IFNGR2: variants seen among roughly 807,000 people sequenced by gnomAD.
The protein encoded by IFNGR2 is IFN-gamma receptor 2.
In IFNGR2, 15 loss-of-function variants were observed where a neutral mutation model predicts 41.1. That is an observed-to-expected ratio of 0.37 (90% confidence interval 0.24 to 0.56). The LOEUF (loss-of-function observed/expected upper bound fraction) is 0.56, where lower values mean the gene tolerates loss of function less well. Among genes scored for constraint, IFNGR2 ranks in the 20% least tolerant of loss-of-function variants. IFNGR2 has a pLI of 0.81. For synonymous variants in IFNGR2, 161 were observed against 171.6 expected, an observed-to-expected ratio of 0.94 and a Z score of 0.48; for missense variants, 362 against 415.7, an observed-to-expected ratio of 0.87 and a Z score of 1.12.
intron 1 of IFNGR2, among the ~76,000 whole-genome samples, chr21:33,406,648 CTT>C (rs35138843): frequency 1.2e-4 from 16 of 131,826 alleles, no homozygotes; most frequent in South Asian, 4.9e-4. Flanking sequence ...GTGTTGGAAA[CTT>C]TTTTTTTTTT....
chr21:33,431,567 T>A (rs1267956542), intron 4 of IFNGR2, among the ~76,000 whole-genome samples: 1 of 151,306 alleles, frequency 6.6e-6, no homozygotes, highest in African/African-American at 2.4e-5. Flanking sequence ...AAACTCCATC[T>A]CAAAAAAAAA....
upstream of IFNGR2, chr21:33,403,128 A>C (rs8134145): frequency 0.25 from 35,786 of 143,450 alleles, 5,891 homozygotes; most frequent in African/African-American, 0.46. Context: ...CTCCAGGGAA[A>C]GCCCGGGGGT....
chr21:33,428,212 T>A (rs76056001), intron 4 of IFNGR2, among the ~76,000 whole-genome samples: 9 of 91,094 alleles, frequency 9.9e-5, no homozygotes, highest in Non-Finnish European at 2.7e-4. Flanking sequence ...CTCCTTCATT[T>A]TTTTTTTTTT....
chr21:33,411,363 C>T, intron 1 of IFNGR2: 1 of 453,726 alleles, frequency 2.2e-6, no homozygotes, highest in Non-Finnish European at 4.6e-6. Context: ...CCTTTCTGAA[C>T]TGAATGCTTA....
chr21:33,429,421 A>G (rs967590717), intron 4 of IFNGR2, among the ~76,000 whole-genome samples: 3 of 152,118 alleles, frequency 2.0e-5, no homozygotes, highest in Admixed American at 6.6e-5. Flanking sequence ...TCACGGGTTC[A>G]AGAGATTTTC....
intron 5 of IFNGR2, 125 bp from the exon 6 acceptor site, chr21:33,432,589 G>T: frequency 9.4e-7 from 1 of 1,066,218 alleles, no homozygotes; most frequent in Non-Finnish European, 1.5e-6. Flanking sequence ...GAGGGTGGGG[G>T]GTAGAGGGAC....
Position 33,421,676 on chromosome 21 carries a change from T to C in IFNGR2, c.403T>C (p.Tyr135His). The C allele has an allele frequency of 6.2e-7, 1 of 1,612,878 alleles. No homozygotes were observed. ...AWVTMPWFQH[Y>H]RNVTVGPPEN... Reference sequence around the variant, plus strand: ...GGTGACAATGCCTTGGTTTCAACACTATCGGAATGGTAAGAGAACTTGAGT... The same window carrying C: ...GGTGACAATGCCTTGGTTTCAACACCATCGGAATGGTAAGAGAACTTGAGT... Residue 135 changes from tyrosine to histidine, a missense_variant, in exon 3 of 7, where the codon TAT (tyrosine) becomes CAT (histidine). Coordinates refer to ENST00000290219, the MANE Select transcript of IFNGR2 (RefSeq NM_005534.4).
At chr21:33,430,307 A>T (rs2123364415) in intron 4 of IFNGR2, among the ~76,000 whole-genome samples, 1 of 152,350 alleles carries the variant, frequency 6.6e-6, no homozygotes, top group East Asian at 1.9e-4. Context: ...AATAAACCCA[A>T]AGGGAATTTT....
At chr21:33,426,396 T>C (rs2083836064) in intron 3 of IFNGR2, among the ~76,000 whole-genome samples, 1 of 148,094 alleles carries the variant, frequency 6.8e-6, no homozygotes, top group Non-Finnish European at 1.5e-5. Context: ...CTGGGTGATA[T>C]GTGCGAGATT....
At chr21:33,408,286 T>C (rs1372640040) in intron 1 of IFNGR2, among the ~76,000 whole-genome samples, 1 of 152,004 alleles carries the variant, frequency 6.6e-6, no homozygotes, top group African/African-American at 2.4e-5. Flanking sequence ...AACCTCCACC[T>C]CCCGGGTTCA....
chr21:33,414,834 A>C, intron 1 of IFNGR2, 54 bp from the exon 2 acceptor site: 1 of 1,536,568 alleles, frequency 6.5e-7, no homozygotes, highest in Non-Finnish European at 8.8e-7. Context: ...TTTTGTAATT[A>C]TTTCCCTCTC....
At chr21:33,436,193 T>C (rs2083948899) in intron 6 of IFNGR2, among the ~76,000 whole-genome samples, 1 of 149,496 alleles carries the variant, frequency 6.7e-6, no homozygotes, top group African/African-American at 2.5e-5. Context: ...CCGTCTCTAC[T>C]TAAAATACAA....
Position 33,421,527 on chromosome 21 carries a change from A to C in IFNGR2, c.254A>C (p.Asn85Thr), listed in dbSNP as rs753971906. ...GCCGACATCATGTCCATAGGGGTGAATTGTACACAGATCACAGCAACAGAG... is the reference window on the plus strand; with the variant it reads ...GCCGACATCATGTCCATAGGGGTGACTTGTACACAGATCACAGCAACAGAG... Reference protein sequence around the residue: ...FTADIMSIGVNCTQITATECD... With the variant: ...FTADIMSIGVTCTQITATECD... Residue 85 changes from asparagine to threonine, a missense_variant, in exon 3 of 7, where the codon AAT becomes ACT. By Grantham distance (65) the Asn-to-Thr change is moderately conservative (BLOSUM62 0). Transcript: ENST00000290219. 6.2e-7 allele frequency: 1 copy of C among 1,613,996 alleles called. No homozygotes were observed. The highest frequency in any genetic ancestry group is 8.5e-7 in the Non-Finnish European group (1 of 1,179,972).
intron 3 of IFNGR2, among the ~76,000 whole-genome samples, chr21:33,425,275 A>G (rs1031336536): frequency 2.6e-5 from 4 of 152,076 alleles, no homozygotes; most frequent in Non-Finnish European, 4.4e-5. Context: ...TGGAAAGGCC[A>G]TTTACCTGGA....
intron 2 of IFNGR2, among the ~76,000 whole-genome samples, chr21:33,420,976 C>T (rs2083787375): frequency 6.6e-6 from 1 of 152,094 alleles, no homozygotes; most frequent in African/African-American, 2.4e-5. Context: ...GTGGGCGGAT[C>T]ACATGAGGCC....
intron 3 of IFNGR2, among the ~76,000 whole-genome samples, chr21:33,425,293 C>A (rs1331677891): frequency 6.6e-6 from 1 of 152,184 alleles, no homozygotes; most frequent in Non-Finnish European, 1.5e-5. Flanking sequence ...GGAGACTCCA[C>A]ACATTGTCGT....
intron 6 of IFNGR2, 95 bp from the exon 7 acceptor site, chr21:33,436,730 TAAA>T: frequency 1.0e-6 from 1 of 991,100 alleles, no homozygotes; most frequent in Non-Finnish European, 1.5e-6. Context: ...AAAAAAAAAA[TAAA>T]AATAAAAATA....
chr21:33,424,822 G>T (rs1350913257), intron 3 of IFNGR2, among the ~76,000 whole-genome samples: 1 of 152,110 alleles, frequency 6.6e-6, no homozygotes, highest in Non-Finnish European at 1.5e-5. Context: ...GTTCACTGCA[G>T]CCTCCGCCTC....
Position 33,427,016 on chromosome 21 carries a change from AAGG to A in IFNGR2, c.550_552del (p.Gly184del). On this transcript the variant is annotated inframe_deletion, in exon 4 of 7. Coordinates refer to ENST00000290219, the MANE Select transcript of IFNGR2 (RefSeq NM_005534.4). ...TGTTATTATGTCCATTACTGGGAAA[AAGG>A]AGGAATCCAACAGGCAAGAGCATCT... 3.1e-6 allele frequency: 5 copies of A among 1,611,814 alleles called. No individual in the cohort carries two copies. Among genetic ancestry groups the A allele is most frequent in the Non-Finnish European group, 2.5e-6 (3 of 1,178,630 alleles).
Sources: gnomAD v4.1 joint callset for allele counts (sites outside exome capture counted in the v4.1 genomes callset) on GRCh38, gnomAD v4.1.1 for gene constraint, MANE v1.5 for transcripts, NCBI Gene and HGNC (gene_info 2026-07-23, HGNC 2026-07-21) for gene names.